CSMD1: variants seen among roughly 807,000 people sequenced by gnomAD.
CSMD1 encodes the protein CUB and sushi domain-containing protein 1.
In CSMD1, 213 loss-of-function variants were observed where a neutral mutation model predicts 417.5. The ratio of observed to expected loss-of-function variants is 0.51; its 90% CI spans 0.46 to 0.57. The LOEUF (loss-of-function observed/expected upper bound fraction) is 0.57. CSMD1 is among the 20% of genes least tolerant of loss of function. CSMD1 has a pLI of 0.00. For missense variants in CSMD1, 6,923 were observed against 4,529.7 expected (o/e 1.53, Z -15.17); for synonymous variants, 2,862 against 1,736.8 (o/e 1.65, Z -16.11).
intron 5 of CSMD1, among the ~76,000 whole-genome samples, chr8:3,944,493 A>T (rs1288355186): frequency 1.3e-5 from 2 of 152,098 alleles, no homozygotes; most frequent in Admixed American, 6.6e-5. Flanking sequence ...TTGTCAGATC[A>T]CTTTAACCTT....
chr8:4,097,933 A>G (rs574454736), intron 3 of CSMD1, among the ~76,000 whole-genome samples: 1 of 152,296 alleles, frequency 6.6e-6, no homozygotes, highest in Non-Finnish European at 1.5e-5. Flanking sequence ...ATGAAGGTAA[A>G]GTTAATTTCT....
At chr8:3,008,688 G>A (rs1334022794) in intron 52 of CSMD1, among the ~76,000 whole-genome samples, 2 of 152,132 alleles carry the variant, frequency 1.3e-5, no homozygotes, top group African/African-American at 2.4e-5. Context: ...TTTTAGAGGA[G>A]GAATCTTACT....
chr8:4,119,806 T>C (rs890574498), intron 3 of CSMD1, among the ~76,000 whole-genome samples: 2 of 152,220 alleles, frequency 1.3e-5, no homozygotes, highest in Non-Finnish European at 1.5e-5. Context: ...CGTTCTACGA[T>C]GCAATTTATG....
At chr8:4,260,057 AGTG>A (rs1803760288) in intron 3 of CSMD1, among the ~76,000 whole-genome samples, 1 of 151,846 alleles carries the variant, frequency 6.6e-6, no homozygotes, top group African/African-American at 2.4e-5. Flanking sequence ...TTGAAAGGGA[AGTG>A]TTGTCTTAGA....
chr8:3,009,732 G>C lies in CSMD1; in HGVS notation c.8029+8745C>G, dbSNP rs931664226. ...ATAGATATGCATATGGTATCACAGA[G>C]AGTGTGTGGAATTTGTCCAACATGG... is the stretch of plus-strand genomic sequence containing the variant. On this transcript the variant is annotated intron_variant, in intron 52 of 69. Transcript: ENST00000635120. 3.3e-5 allele frequency among the ~76,000 whole-genome samples: 5 copies of C among 152,272 alleles called. No homozygotes were observed. In the East Asian group the frequency reaches 9.7e-4, roughly 29 times the overall value.
intron 2 of CSMD1, among the ~76,000 whole-genome samples, chr8:4,520,301 T>A (rs573096578): frequency 1.3e-5 from 2 of 152,206 alleles, no homozygotes; most frequent in Admixed American, 1.3e-4. Context: ...CAGTTTCACA[T>A]GACTAATGTA....
At chr8:2,938,779 G>T in intron 69 of CSMD1, 35 bp from the exon 70 acceptor site, 1 of 1,559,636 alleles carries the variant, frequency 6.4e-7, no homozygotes, top group South Asian at 1.2e-5. Flanking sequence ...TTAGAATCCT[G>T]GTTTCATTTG....
chr8:3,336,238 T>C (rs772585648), intron 23 of CSMD1, among the ~76,000 whole-genome samples: 2 of 152,136 alleles, frequency 1.3e-5, no homozygotes, highest in Non-Finnish European at 2.9e-5. Context: ...TTACAATACA[T>C]GCTAATCAGT....
At chr8:4,454,600 G>C (rs867521859) in intron 2 of CSMD1, among the ~76,000 whole-genome samples, 1 of 152,184 alleles carries the variant, frequency 6.6e-6, no homozygotes, top group Non-Finnish European at 1.5e-5. Context: ...GCTGGCTGGG[G>C]AAGGAGGGCA....
Position 3,993,207 on chromosome 8 carries a change from T to C in CSMD1, c.818+4696A>G, listed in dbSNP as rs150106483. Among the ~76,000 whole-genome samples the C allele has an allele frequency of 4.5e-3, 686 of 152,318 alleles. 1 individual carries two copies. Among genetic ancestry groups the C allele is most frequent in the African/African-American group, 0.016 (663 of 41,560 alleles). ...GTTTAGGATATACAGCAACTCTCTGTGTTAGTGCTGCAAATTTTCTGTAAA... is the reference window on the plus strand; with the variant it reads ...GTTTAGGATATACAGCAACTCTCTGCGTTAGTGCTGCAAATTTTCTGTAAA... On this transcript the variant is annotated intron_variant, in intron 5 of 69. Coordinates refer to ENST00000635120, the MANE Select transcript of CSMD1 (RefSeq NM_033225.6).
At chr8:3,879,641 A>T (rs1806069620) in intron 5 of CSMD1, among the ~76,000 whole-genome samples, 1 of 152,204 alleles carries the variant, frequency 6.6e-6, no homozygotes, top group Non-Finnish European at 1.5e-5. Context: ...AAAAGCACAA[A>T]CATCTTTTTC....
At chr8:4,403,022 G>A (rs1191324412) in intron 3 of CSMD1, among the ~76,000 whole-genome samples, 2 of 151,446 alleles carry the variant, frequency 1.3e-5, no homozygotes, top group African/African-American at 2.4e-5. Context: ...TAGTGGAGAC[G>A]GGGTTTCACC....
Position 3,177,000 on chromosome 8 carries a change from G to A in CSMD1, c.5725+4110C>T, listed in dbSNP as rs184995841. Among the ~76,000 whole-genome samples, 47 of 152,022 alleles carry A rather than the reference G, an allele frequency of 3.1e-4. 1 individual carries two copies. In the East Asian group the frequency reaches 8.8e-3, roughly 28 times the overall value. ...GCCATGTTGCCCAGGCTGGTCTTGAGCTTCTGGGCTCAAGCGATCCACTCA... is the reference window on the plus strand; with the variant it reads ...GCCATGTTGCCCAGGCTGGTCTTGAACTTCTGGGCTCAAGCGATCCACTCA... On this transcript the variant is annotated intron_variant, in intron 37 of 69. Transcript: ENST00000635120.
chr8:3,400,441 A>G (rs779955689), intron 15 of CSMD1, among the ~76,000 whole-genome samples: 2 of 152,124 alleles, frequency 1.3e-5, no homozygotes, highest in Non-Finnish European at 1.5e-5. Flanking sequence ...CAAAAAGTTT[A>G]TATCATTTTA....
chr8:3,811,033 C>T (rs371544031), intron 5 of CSMD1, among the ~76,000 whole-genome samples: 2 of 152,176 alleles, frequency 1.3e-5, no homozygotes, highest in African/African-American at 4.8e-5. Context: ...CTCCGTCTTA[C>T]TGGCAGGGGA....
At chr8:4,061,817 G>T (rs1378644770) in intron 3 of CSMD1, among the ~76,000 whole-genome samples, 5 of 152,154 alleles carry the variant, frequency 3.3e-5, no homozygotes, top group African/African-American at 1.2e-4. Context: ...TTTAAATGAT[G>T]CTTCACTTTA....
At chr8:3,604,706 C>G (rs935313288) in intron 8 of CSMD1, among the ~76,000 whole-genome samples, 1 of 152,160 alleles carries the variant, frequency 6.6e-6, no homozygotes, top group Non-Finnish European at 1.5e-5. Context: ...CTCCATTATT[C>G]TCTGCATCAG....
At chr8:3,881,736 C>T (rs1806221313) in intron 5 of CSMD1, among the ~76,000 whole-genome samples, 1 of 151,346 alleles carries the variant, frequency 6.6e-6, no homozygotes, top group Non-Finnish European at 1.5e-5. Context: ...TACCAGTTAT[C>T]AAAATTTACT....
intron 3 of CSMD1, among the ~76,000 whole-genome samples, chr8:4,352,768 C>A (rs190850123): frequency 6.6e-6 from 1 of 152,302 alleles, no homozygotes; most frequent in South Asian, 2.1e-4. Flanking sequence ...CCATGGCAGA[C>A]AAATCTACTG....
Sources: gnomAD v4.1 joint callset for allele counts (sites outside exome capture counted in the v4.1 genomes callset) on GRCh38, gnomAD v4.1.1 for gene constraint, MANE v1.5 for transcripts, NCBI Gene and HGNC (gene_info 2026-07-23, HGNC 2026-07-21) for gene names.